Variants in DEPDC1B observed in about 807,000 individuals in gnomAD.
DEPDC1B encodes the protein DEP domain-containing protein 1B.
A neutral mutation model predicts 66.5 loss-of-function variants in DEPDC1B; 51 were observed. The observed-to-expected ratio is 0.77, with a 90% CI of 0.61 to 0.97. The LOEUF is 0.97. DEPDC1B is among the 50% of genes least tolerant of loss of function. DEPDC1B has a pLI of 0.00. For missense variants in DEPDC1B, 552 were observed against 637.1 expected, an observed-to-expected ratio of 0.87 and a Z score of 1.44; for synonymous variants, 226 against 223.6, an observed-to-expected ratio of 1.01 and a Z score of -0.10.
At chr5:60,677,326 ACTCTCTCTCTCTCT>A (rs70975391) in intron 2 of DEPDC1B, among the ~76,000 whole-genome samples, 31 of 108,512 alleles carry the variant, frequency 2.9e-4, no homozygotes, top group African/African-American at 4.4e-4. Flanking sequence ...ACACACACAC[ACTCTCTCTCTCTCT>A]CTCTCTCTCT....
intron 10 of DEPDC1B, among the ~76,000 whole-genome samples, chr5:60,598,591 G>C (rs534154241): frequency 6.6e-6 from 1 of 152,180 alleles, no homozygotes; most frequent in Non-Finnish European, 1.5e-5. Context: ...CCTAAGCTGT[G>C]TTCCCTAACA....
At chr5:60,632,928 A>G (rs1354571881) in intron 7 of DEPDC1B, among the ~76,000 whole-genome samples, 1 of 152,176 alleles carries the variant, frequency 6.6e-6, no homozygotes, top group Admixed American at 6.5e-5. Flanking sequence ...CCTTGTCCTG[A>G]CGCCAGCAGA....
chr5:60,659,384 C>T (rs1753655150), intron 2 of DEPDC1B, among the ~76,000 whole-genome samples: 1 of 152,194 alleles, frequency 6.6e-6, no homozygotes, highest in African/African-American at 2.4e-5. Flanking sequence ...GAGTAAAATA[C>T]TGGGCACCTG....
At position 60,692,333 on chromosome 5, in the gene DEPDC1B, CA is replaced by C. The variant is rs553306284; in HGVS notation, c.49-5107del. ...CTGAGAGTAAATTGCAAGTGTACAA[CA>C]AAAAAATGTTAAGTATTTGAGGTGA... is the stretch of plus-strand genomic sequence containing the variant. On this transcript the variant is annotated intron_variant, in intron 1 of 10. Coordinates refer to ENST00000265036, the MANE Select transcript of DEPDC1B (RefSeq NM_018369.3). Among the ~76,000 whole-genome samples the C allele has an allele frequency of 9.9e-5, 15 of 151,910 alleles. No homozygotes were observed. In the East Asian group the frequency reaches 2.9e-3, roughly 29 times the overall value.
At chr5:60,602,087 TA>T (rs1408265194) in intron 9 of DEPDC1B, among the ~76,000 whole-genome samples, 1 of 144,338 alleles carries the variant, frequency 6.9e-6, no homozygotes, top group Non-Finnish European at 1.5e-5. Context: ...TTCTCATTGT[TA>T]ACAGAATGTA....
chr5:60,603,384 C>G lies in DEPDC1B; in HGVS notation c.1242+7G>C. On this transcript the variant is annotated splice_region_variant and intron_variant, in intron 9 of 10. Transcript: ENST00000265036. ...TTTCATAGAACTGATAATATCCTCT[C>G]CTTTACCTGGACTCTTCGTAGATGA... 1 of 1,553,498 alleles carries G rather than the reference C, an allele frequency of 6.4e-7. No homozygotes were observed. Among genetic ancestry groups the G allele is most frequent in the Non-Finnish European group, 8.6e-7 (1 of 1,157,698 alleles).
At chr5:60,643,102 A>C (rs1753227827) in intron 5 of DEPDC1B, among the ~76,000 whole-genome samples, 1 of 152,214 alleles carries the variant, frequency 6.6e-6, no homozygotes, top group South Asian at 2.1e-4. Flanking sequence ...CACCTTTTTA[A>C]AGCTATAGTA....
At chr5:60,669,710 CT>C (rs1454319901) in intron 2 of DEPDC1B, among the ~76,000 whole-genome samples, 1 of 152,080 alleles carries the variant, frequency 6.6e-6, no homozygotes, top group African/African-American at 2.4e-5. Flanking sequence ...CTAAGGAAGG[CT>C]TTAAAATCCA....
At chr5:60,668,043 A>C (rs1279520413) in intron 2 of DEPDC1B, among the ~76,000 whole-genome samples, 1 of 109,310 alleles carries the variant, frequency 9.1e-6, no homozygotes, top group Admixed American at 9.3e-5. Flanking sequence ...TATTTTATAT[A>C]TATATAAAAT....
chr5:60,647,867 A>T (rs1297747902), intron 2 of DEPDC1B: 1 of 159,326 alleles, frequency 6.3e-6, no homozygotes, highest in Non-Finnish European at 1.4e-5. Flanking sequence ...TTTTATTTTG[A>T]CTTTTTATTT....
chr5:60,676,345 G>GTTGTACACATGTACTCTAGAAC (rs1353793563), intron 2 of DEPDC1B, among the ~76,000 whole-genome samples: 2 of 150,398 alleles, frequency 1.3e-5, no homozygotes, highest in African/African-American at 4.9e-5. Context: ...AAACCTGCAC[G>GTTGTACACATGTACTCTAGAAC]TTGTACACAT....
At position 60,616,813 on chromosome 5, in the gene DEPDC1B, G is replaced by C. The variant is rs866250319; in HGVS notation, c.899-10957C>G. On this transcript the variant is annotated intron_variant, in intron 7 of 10. Transcript: ENST00000265036. ...GCCACAAAGATACTCCTCAAGAAGA[G>C]CAACTCCAAGACACATAATTGTCAG... is the stretch of plus-strand genomic sequence containing the variant. Among the ~76,000 whole-genome samples, 5 of 152,124 alleles carry C rather than the reference G, an allele frequency of 3.3e-5. No individual in the cohort carries two copies. The South Asian group carries it at 1.0e-3, about 32-fold the overall frequency.
intron 2 of DEPDC1B, among the ~76,000 whole-genome samples, chr5:60,662,232 C>CA (rs1743017424): frequency 6.6e-6 from 1 of 151,698 alleles, no homozygotes; most frequent in African/African-American, 2.4e-5. Context: ...ACTAAAAATA[C>CA]AAAAAATTAG....
intron 2 of DEPDC1B, among the ~76,000 whole-genome samples, chr5:60,648,682 T>C (rs1367168120): frequency 6.6e-6 from 1 of 152,200 alleles, no homozygotes; most frequent in Non-Finnish European, 1.5e-5. Flanking sequence ...GAATATCCAA[T>C]AACTATTTTA....
intron 6 of DEPDC1B, among the ~76,000 whole-genome samples, chr5:60,642,485 C>T (rs2111867715): frequency 6.6e-6 from 1 of 152,304 alleles, no homozygotes; most frequent in East Asian, 1.9e-4. Context: ...ATCTAACATC[C>T]AAATTACTGA....
At chr5:60,603,600 G>T in intron 8 of DEPDC1B, 33 bp from the exon 9 acceptor site, 7 of 1,538,630 alleles carry the variant, frequency 4.5e-6, no homozygotes, top group Non-Finnish European at 5.2e-6. Context: ...GGTAAACGCA[G>T]ATGAGTATTT....
chr5:60,631,712 C>T (rs1339276206), intron 7 of DEPDC1B, among the ~76,000 whole-genome samples: 2 of 152,150 alleles, frequency 1.3e-5, no homozygotes, highest in Non-Finnish European at 2.9e-5. Flanking sequence ...ATAAATTGCT[C>T]AGTACAGGGC....
intron 2 of DEPDC1B, among the ~76,000 whole-genome samples, chr5:60,650,461 C>A (rs769209432): frequency 7.2e-5 from 11 of 152,186 alleles, no homozygotes; most frequent in Admixed American, 1.3e-4. Context: ...CTGGCCTCTA[C>A]TCACTGGATG....
chr5:60,679,959 A>T (rs1376546052), intron 2 of DEPDC1B, among the ~76,000 whole-genome samples: 1 of 152,224 alleles, frequency 6.6e-6, no homozygotes, highest in Non-Finnish European at 1.5e-5. Context: ...TTTTGTTTAG[A>T]CATTTTAAAG....
Sources: allele counts gnomAD v4.1 joint callset (sites outside exome capture counted in the v4.1 genomes callset), GRCh38; gene constraint gnomAD v4.1.1; transcripts MANE v1.5; gene names NCBI Gene and HGNC (gene_info 2026-07-23, HGNC 2026-07-21).